The following SMG1 variants were observed in gnomAD, a reference collection of about 807,000 sequenced individuals.
The protein encoded by SMG1 is serine/threonine-protein kinase SMG1.
A neutral mutation model predicts 419.9 loss-of-function variants in SMG1; 22 were observed. That is an observed-to-expected ratio of 0.05 (90% confidence interval 0.04 to 0.07). The LOEUF is 0.07. Ranked by LOEUF, SMG1 falls within the 10% of genes least tolerant of loss-of-function variation. SMG1 has a pLI of 1.00. For synonymous variants in SMG1, 1,538 were observed against 1,553.5 expected (o/e 0.99, Z 0.23); for missense variants, 3,185 against 4,342.0 (o/e 0.73, Z 7.49).
At chr16:18,821,221 C>CTTTTTTTTTTTTTTTTTTCTTTTT (rs2032509856) in intron 55 of SMG1, among the ~76,000 whole-genome samples, 3 of 35,600 alleles carry the variant, frequency 8.4e-5, no homozygotes, top group Admixed American at 6.8e-4. Flanking sequence ...TAGTATGTTT[C>CTTTTTTTTTTTTTTTTTTCTTTTT]TTTTTTTTTT....
At chr16:18,918,188 G>A (rs139934009) in intron 1 of SMG1, among the ~76,000 whole-genome samples, 2,796 of 152,014 alleles carry the variant, frequency 0.018, 87 homozygotes, top group African/African-American at 0.064. Context: ...GCTTGAACCC[G>A]GGAGGCGGAG....
At chr16:18,863,603 C>A (rs1430825322) in intron 25 of SMG1, 47 bp downstream of exon 25, 7 of 1,512,034 alleles carry the variant, frequency 4.6e-6, no homozygotes, top group Non-Finnish European at 6.3e-6. Context: ...GGAAAAACAT[C>A]ATAGTTATTG....
In SMG1 at chr16:18,852,379, A is replaced by C. The variant is rs202200522; in HGVS notation, c.4852T>G (p.Ser1618Ala). 63 of 1,613,752 alleles carry C rather than the reference A, an allele frequency of 3.9e-5. No homozygotes were observed. The South Asian group carries it at 6.5e-4, about 17-fold the overall frequency. Residue 1618 changes from serine (S) to alanine (A), a missense_variant, in exon 32 of 63, where the codon TCT becomes GCT. Coordinates refer to ENST00000446231, the MANE Select transcript of SMG1 (RefSeq NM_015092.5). Reference sequence around the variant, plus strand: ...GCCCAGCTGGCCAACGCTGCCCAAGATTTGGCTACTTCAGGTGCCTGTACT... The same window carrying C: ...GCCCAGCTGGCCAACGCTGCCCAAGCTTTGGCTACTTCAGGTGCCTGTACT... Reference protein sequence around the residue: ...SSVQAPEVAKSWAALASWAYR... With the variant: ...SSVQAPEVAKAWAALASWAYR...
At chr16:18,867,833 C>A (rs953468187) in intron 22 of SMG1, among the ~76,000 whole-genome samples, 2 of 150,738 alleles carry the variant, frequency 1.3e-5, no homozygotes, top group South Asian at 2.1e-4. Flanking sequence ...CTCAGCCTCC[C>A]GAGTAGCTGG....
At chr16:18,883,823 G>A (rs2036505252) in intron 9 of SMG1, among the ~76,000 whole-genome samples, 1 of 151,496 alleles carries the variant, frequency 6.6e-6, no homozygotes, top group South Asian at 2.1e-4. Flanking sequence ...GGAGGCTGAG[G>A]CAGGAGAATC....
chr16:18,908,699 G>A (rs1261329901), intron 1 of SMG1, among the ~76,000 whole-genome samples: 1 of 151,694 alleles, frequency 6.6e-6, no homozygotes, highest in Non-Finnish European at 1.5e-5. Flanking sequence ...CTAACACAGT[G>A]AAACCCCGTC....
chr16:18,915,781 T>C (rs1408884367), intron 1 of SMG1, among the ~76,000 whole-genome samples: 1 of 151,984 alleles, frequency 6.6e-6, no homozygotes, highest in Non-Finnish European at 1.5e-5. Flanking sequence ...ATTTAAGACC[T>C]ATACAGGCCA....
chr16:18,865,850 G>C (rs906655950), intron 23 of SMG1, among the ~76,000 whole-genome samples: 9 of 152,086 alleles, frequency 5.9e-5, no homozygotes, highest in South Asian at 2.1e-4. Flanking sequence ...ATTTTTAGTA[G>C]AGACAGGGTT....
At chr16:18,858,392 A>G in intron 28 of SMG1, 102 bp from the exon 29 acceptor site, 1 of 1,026,900 alleles carries the variant, frequency 9.7e-7, no homozygotes, top group Non-Finnish European at 1.4e-6. Context: ...TAGTTTGGCT[A>G]CTTCAGATTG....
At position 18,842,448 on chromosome 16, in the gene SMG1, G is replaced by C; in HGVS notation, c.6226C>G (p.Leu2076Val). 1.9e-6 allele frequency: 3 copies of C among 1,613,100 alleles called. No homozygotes were observed. The highest frequency in any genetic ancestry group is 2.5e-6 in the Non-Finnish European group (3 of 1,179,348). The change falls in exon 40 of 63, where the codon CTA (leucine) becomes GTA (valine). Residue 2076 changes from leucine to valine, a missense_variant. Physicochemically the swap from Leu to Val is conservative, Grantham distance 32. Around this residue, in one of 27 missense-constraint regions of SMG1, gnomAD observed 159 missense variants for 196.0 expected, o/e 0.81. Coordinates refer to ENST00000446231, the MANE Select transcript of SMG1 (RefSeq NM_015092.5). The stretch of plus-strand genomic sequence containing the variant: ...TTCTGTGCTCTCTGTTGCAAACTTA[G>C]CATTATCTATATTCATAAGATGGGA... The part of the protein sequence containing the change: ...SSWIPFKEIM[L>V]SLQQRAQKRA...
Position 18,808,700 on chromosome 16 carries a change from CAT to C in SMG1, c.*867_*868del, listed in dbSNP as rs2031083151. On this transcript the variant is annotated 3_prime_UTR_variant, in exon 63 of 63. Coordinates refer to ENST00000446231, the MANE Select transcript of SMG1 (RefSeq NM_015092.5). ...CACAGTGACAATTCTGGAAACTGTACATGATAGAATCACAGAAATGACTTAAA... is the reference window on the plus strand; with the variant it reads ...CACAGTGACAATTCTGGAAACTGTACGATAGAATCACAGAAATGACTTAAA... 1 of 152,606 alleles carries C rather than the reference CAT, an allele frequency of 6.6e-6. No individual in the cohort carries two copies. The highest frequency in any genetic ancestry group is 2.4e-5 in the African/African-American group (1 of 41,430). The allele number at this position is 152,606 out of a possible 1,614,324, so 9.5% of individuals were successfully genotyped here. A position where few individuals can be genotyped will look rare whatever the true frequency, so the allele number is the denominator to read the frequency against.
rs1239533171 is a variant in SMG1, at chr16:18,853,810, G to A, written c.4541C>T (p.Ser1514Phe). 6.2e-7 allele frequency: 1 copy of A among 1,613,546 alleles called. No individual in the cohort carries two copies. Among genetic ancestry groups the A allele is most frequent in the East Asian group, 2.2e-5 (1 of 44,870 alleles). ...AGCAACTGCATATTCAGCTTTCACA[G>A]ACTTGCAGAAAGATATGGCACAAGA... ...LSSCAISFCK[S>F]VKAEYAVAKS... The change falls in exon 31 of 63, where the codon TCT becomes TTT. Residue 1514 changes from serine to phenylalanine, a missense_variant. Ser to Phe is a radical substitution (Grantham distance 155). Transcript: ENST00000446231.
chr16:18,892,615 C>T (rs2036933705), intron 3 of SMG1, among the ~76,000 whole-genome samples: 1 of 152,008 alleles, frequency 6.6e-6, no homozygotes, highest in African/African-American at 2.4e-5. Context: ...CACCTGTAGT[C>T]CCAGCTACTC....
chr16:18,896,813 T>A lies in SMG1; in HGVS notation c.236A>T (p.Asp79Val), dbSNP rs1361411597. The A allele has an allele frequency of 6.2e-7, 1 of 1,608,034 alleles. No individual in the cohort carries two copies. The highest frequency in any genetic ancestry group is 1.3e-5 in the African/African-American group (1 of 74,774). The change falls in exon 2 of 63, where the codon GAC (aspartate) becomes GTC (valine). Residue 79 changes from aspartate (D) to valine (V), a missense_variant. Asp to Val is a radical substitution (Grantham distance 152). Around this residue, in one of 27 missense-constraint regions of SMG1, gnomAD observed 42 missense variants for 100.1 expected, o/e 0.42. Coordinates refer to ENST00000446231, the MANE Select transcript of SMG1 (RefSeq NM_015092.5). ...TATACCCTTTTCGTCATTCTGTATG[T>A]CAGCGTGGACTCTGGTATCATCGTG... ...QRHDDTRVHA[D>V]IQNDEKGGYS...
chr16:18,833,739 A>T (rs1282514407), intron 50 of SMG1, among the ~76,000 whole-genome samples: 1 of 152,074 alleles, frequency 6.6e-6, no homozygotes, highest in African/African-American at 2.4e-5. Flanking sequence ...AATCTCTCTC[A>T]CTCACACTTC....
rs1470860660 is a variant in SMG1 at position 18,876,222 on chromosome 16, T to G, written c.1792A>C (p.Lys598Gln). Residue 598 changes from lysine (K) to glutamine (Q), a missense_variant, in exon 13 of 63, where the codon AAG becomes CAG. Lys to Gln is a moderately conservative substitution (Grantham distance 53). Coordinates refer to ENST00000446231, the MANE Select transcript of SMG1 (RefSeq NM_015092.5). ...ACSEIKHEAFKNHVFNVDNAK... is the reference protein window; with the variant it reads ...ACSEIKHEAFQNHVFNVDNAK... ...TTGTCTACATTGAACACATGATTCT[T>G]AAAAGCCTCATGTTTTATTTCAGAA... The G allele has an allele frequency of 6.2e-7, 1 of 1,611,804 alleles. No homozygotes were observed. Among genetic ancestry groups the G allele is most frequent in the Admixed American group, 1.7e-5 (1 of 60,022 alleles).
chr16:18,882,747 G>C (rs1393421633), intron 9 of SMG1, among the ~76,000 whole-genome samples: 2 of 152,132 alleles, frequency 1.3e-5, no homozygotes, highest in African/African-American at 4.8e-5. Context: ...TCCAAACCAA[G>C]AGCATGCACA....
At chr16:18,850,747 C>T (rs750530764) in intron 33 of SMG1, among the ~76,000 whole-genome samples, 8 of 151,988 alleles carry the variant, frequency 5.3e-5, no homozygotes, top group Non-Finnish European at 1.2e-4. Flanking sequence ...CAGTATTCTA[C>T]CTGCAGAAAT....
In SMG1 at chr16:18,852,072, T is replaced by A; in HGVS notation, c.5047A>T (p.Ile1683Phe). ...LGQAVCRPAGIQDEDITLQIT... is the reference protein window; with the variant it reads ...LGQAVCRPAGFQDEDITLQIT... Reference sequence around the variant, plus strand: ...AAGCACCATGTTTTCCTTGCCTGAATCCCCGCCGGCCGACACACAGCCTGT... The same window carrying A: ...AAGCACCATGTTTTCCTTGCCTGAAACCCCGCCGGCCGACACACAGCCTGT... Residue 1683 changes from isoleucine to phenylalanine, a missense_variant, in exon 33 of 63, where the codon ATT becomes TTT. By Grantham distance (21) the Ile-to-Phe change is conservative. This residue lies in a region of SMG1 where 493 missense variants were observed against 552.9 expected (regional missense o/e 0.89). Coordinates refer to ENST00000446231, the MANE Select transcript of SMG1 (RefSeq NM_015092.5). 6.2e-7 allele frequency: 1 copy of A among 1,605,708 alleles called. No individual in the cohort carries two copies. The highest frequency in any genetic ancestry group is 8.5e-7 in the Non-Finnish European group (1 of 1,177,178).
Sources: allele counts gnomAD v4.1 joint callset (sites outside exome capture counted in the v4.1 genomes callset), GRCh38; gene constraint gnomAD v4.1.1; regional missense constraint gnomAD v4.1.1; transcripts MANE v1.5; gene names NCBI Gene and HGNC (gene_info 2026-07-23, HGNC 2026-07-21).